IRAK2: variants seen among roughly 807,000 people sequenced by gnomAD.
IRAK2 encodes the protein interleukin-1 receptor-associated kinase-like 2.
A neutral mutation model predicts 72.0 loss-of-function variants in IRAK2; 57 were observed. The observed-to-expected ratio is 0.79, with a 90% CI of 0.64 to 0.99. The LOEUF is 0.99. IRAK2 is among the 50% of genes least tolerant of loss of function. The pLI, the probability that IRAK2 is intolerant of heterozygous loss-of-function variation, is 0.00. For synonymous variants in IRAK2, 293 were observed against 312.7 expected (o/e 0.94, Z 0.67); for missense variants, 790 against 794.4 (o/e 0.99, Z 0.07).
At chr3:10,198,475 G>T (rs28473559) in intron 2 of IRAK2, among the ~76,000 whole-genome samples, 1 of 152,150 alleles carries the variant, frequency 6.6e-6, no homozygotes, top group Non-Finnish European at 1.5e-5. Flanking sequence ...TGCCCTAGCT[G>T]GGTGGGAGAC....
chr3:10,171,620 G>A (rs1696795203), intron 1 of IRAK2, among the ~76,000 whole-genome samples: 1 of 152,050 alleles, frequency 6.6e-6, no homozygotes, highest in Non-Finnish European at 1.5e-5. Context: ...TTCAGGCCAG[G>A]TGCAGTGGCT....
At chr3:10,211,177 A>C (rs551630434) in intron 4 of IRAK2, among the ~76,000 whole-genome samples, 1 of 150,942 alleles carries the variant, frequency 6.6e-6, no homozygotes, top group African/African-American at 2.4e-5. Context: ...AGTTTTTTTG[A>C]GACAAAGTCT....
At chr3:10,223,492 A>T (rs1697727210) in intron 9 of IRAK2, among the ~76,000 whole-genome samples, 1 of 152,130 alleles carries the variant, frequency 6.6e-6, no homozygotes, top group Admixed American at 6.5e-5. Context: ...GTTCCTTCGG[A>T]CCTCTAGGAT....
At chr3:10,233,345 C>T (rs572372858) in intron 10 of IRAK2, among the ~76,000 whole-genome samples, 1 of 152,190 alleles carries the variant, frequency 6.6e-6, no homozygotes, top group East Asian at 1.9e-4. Flanking sequence ...AGGCACCGCA[C>T]CTGGCCTACA....
chr3:10,200,256 C>T, intron 2 of IRAK2, 113 bp from the exon 3 acceptor site: 1 of 898,942 alleles, frequency 1.1e-6, no homozygotes. Flanking sequence ...CAACACCATG[C>T]ATTTGTGGCA....
chr3:10,233,489 C>G (rs1463589480), intron 10 of IRAK2, among the ~76,000 whole-genome samples: 1 of 151,862 alleles, frequency 6.6e-6, no homozygotes, highest in Admixed American at 6.6e-5. Flanking sequence ...TATTATATAG[C>G]ATATGTTCTA....
chr3:10,239,699 C>A (rs1318181506), intron 12 of IRAK2, among the ~76,000 whole-genome samples: 1 of 151,866 alleles, frequency 6.6e-6, no homozygotes, highest in Non-Finnish European at 1.5e-5. Flanking sequence ...TGCACTGCAG[C>A]CTGGGCGACA....
chr3:10,240,812 G>A (rs998721063), intron 12 of IRAK2, among the ~76,000 whole-genome samples: 1 of 151,372 alleles, frequency 6.6e-6, no homozygotes, highest in Non-Finnish European at 1.5e-5. Context: ...GCCCACCTCG[G>A]CCTCCCAAAG....
At chr3:10,191,163 C>T (rs1351364405) in intron 2 of IRAK2, among the ~76,000 whole-genome samples, 2 of 151,958 alleles carry the variant, frequency 1.3e-5, no homozygotes, top group Non-Finnish European at 1.5e-5. Context: ...GGCGTGGTGG[C>T]GGGTGCCTGT....
intron 2 of IRAK2, among the ~76,000 whole-genome samples, chr3:10,185,020 T>C (rs143476512): frequency 0.089 from 13,370 of 150,440 alleles, 811 homozygotes; most frequent in Non-Finnish European, 0.13. Context: ...CGTGAGCCCC[T>C]GCGCCGGGCC....
chr3:10,218,978 G>T (rs946475307), intron 7 of IRAK2, among the ~76,000 whole-genome samples: 2 of 152,116 alleles, frequency 1.3e-5, no homozygotes, highest in African/African-American at 4.8e-5. Context: ...TGGACGGATC[G>T]CTTGAGCCCA....
At chr3:10,207,527 G>A (rs1697450281) in intron 3 of IRAK2, among the ~76,000 whole-genome samples, 1 of 151,626 alleles carries the variant, frequency 6.6e-6, no homozygotes. Context: ...CACGGTCTGT[G>A]CCTGCGCCCA....
At chr3:10,221,829 C>A (rs1697698396) in intron 8 of IRAK2, among the ~76,000 whole-genome samples, 1 of 151,848 alleles carries the variant, frequency 6.6e-6, no homozygotes. Flanking sequence ...ACCTGGCCTG[C>A]ACTATATATC....
At chr3:10,202,333 A>C (rs1467899985) in intron 3 of IRAK2, among the ~76,000 whole-genome samples, 1 of 152,224 alleles carries the variant, frequency 6.6e-6, no homozygotes, top group African/African-American at 2.4e-5. Flanking sequence ...AAAGATAAAC[A>C]TCACAGCCAG....
rs943191215 is a variant in IRAK2, at chr3:10,197,609, T to C, written c.278-2760T>C. Reference sequence around the variant, plus strand: ...GGCTCACACCTGTAATCCCAGCACTTTGGGAGGCTGAAGAGGGCGGATCAT... The same window carrying C: ...GGCTCACACCTGTAATCCCAGCACTCTGGGAGGCTGAAGAGGGCGGATCAT... On this transcript the variant is annotated intron_variant, in intron 2 of 12. Coordinates refer to ENST00000256458, the MANE Select transcript of IRAK2 (RefSeq NM_001570.4). 5.3e-5 allele frequency among the ~76,000 whole-genome samples: 8 copies of C among 152,062 alleles called. No homozygotes were observed. In the East Asian group the frequency reaches 1.5e-3, roughly 29 times the overall value.
chr3:10,180,421 G>T (rs1400369945), intron 2 of IRAK2, among the ~76,000 whole-genome samples: 2 of 152,158 alleles, frequency 1.3e-5, no homozygotes, highest in South Asian at 4.1e-4. Flanking sequence ...CCAGATAGGG[G>T]AGCCTCCTAG....
chr3:10,234,108 C>G (rs765346535), intron 10 of IRAK2, among the ~76,000 whole-genome samples: 5 of 152,142 alleles, frequency 3.3e-5, no homozygotes, highest in Non-Finnish European at 5.9e-5. Flanking sequence ...GTGATCCACT[C>G]GCTTCTGCCT....
chr3:10,201,109 G>A (rs1697353791), intron 3 of IRAK2, among the ~76,000 whole-genome samples: 3 of 152,162 alleles, frequency 2.0e-5, no homozygotes, highest in South Asian at 4.1e-4. Flanking sequence ...GAAATAGCTC[G>A]GTAATTGGAG....
At chr3:10,206,327 C>CAGCCAGGCCCGCAGAT (rs1697432889) in intron 3 of IRAK2, among the ~76,000 whole-genome samples, 2 of 152,172 alleles carry the variant, frequency 1.3e-5, no homozygotes, top group South Asian at 4.1e-4. Context: ...GAGCCAGCCA[C>CAGCCAGGCCCGCAGAT]AGCCAGGCCC....
Sources: allele counts gnomAD v4.1 joint callset (sites outside exome capture counted in the v4.1 genomes callset), GRCh38; gene constraint gnomAD v4.1.1; transcripts MANE v1.5; gene names NCBI Gene and HGNC (gene_info 2026-07-23, HGNC 2026-07-21).